Variants in ANKRD33B observed in about 807,000 individuals in gnomAD.
ANKRD33B encodes ankyrin repeat domain 33B.
A neutral mutation model predicts 21.5 loss-of-function variants in ANKRD33B; 6 were observed. The ratio of observed to expected loss-of-function variants is 0.28; its 90% confidence interval spans 0.15 to 0.55. The LOEUF (loss-of-function observed/expected upper bound fraction) is 0.55, where lower values mean the gene tolerates loss of function less well. ANKRD33B is among the 20% of genes least tolerant of loss of function. The probability of loss-of-function intolerance (pLI) is 0.94; values close to 1 mark genes in which losing one functional copy is unlikely to be tolerated. For synonymous variants in ANKRD33B, 347 were observed against 342.4 expected (o/e 1.01, Z -0.15); for missense variants, 698 against 747.2 (o/e 0.93, Z 0.77).
At chr5:10,566,397 G>A (rs1735058477) in intron 1 of ANKRD33B, among the ~76,000 whole-genome samples, 2 of 152,308 alleles carry the variant, frequency 1.3e-5, no homozygotes, top group South Asian at 2.1e-4. Flanking sequence ...AGGCCCAGAT[G>A]TGTGTAATCA....
At chr5:10,647,904 T>A (rs537760866) in intron 3 of ANKRD33B, among the ~76,000 whole-genome samples, 1 of 152,342 alleles carries the variant, frequency 6.6e-6, no homozygotes, top group African/African-American at 2.4e-5. Context: ...TAACCACAGC[T>A]GCAAAATACC....
At chr5:10,618,009 G>A (rs371460515) in intron 1 of ANKRD33B, among the ~76,000 whole-genome samples, 3 of 152,140 alleles carry the variant, frequency 2.0e-5, no homozygotes, top group Non-Finnish European at 4.4e-5. Context: ...GCCGTCTGCC[G>A]TGCTCTGTCG....
At chr5:10,604,708 C>G (rs1027291100) in intron 1 of ANKRD33B, among the ~76,000 whole-genome samples, 1 of 151,706 alleles carries the variant, frequency 6.6e-6, no homozygotes, top group Non-Finnish European at 1.5e-5. Flanking sequence ...TATATATTGT[C>G]TTATATAAAC....
At chr5:10,602,669 AG>A (rs1373319584) in intron 1 of ANKRD33B, among the ~76,000 whole-genome samples, 2 of 152,248 alleles carry the variant, frequency 1.3e-5, no homozygotes, top group Non-Finnish European at 2.9e-5. Flanking sequence ...ACATTCAAAA[AG>A]GGTTTCAAGT....
chr5:10,573,463 G>A (rs1372430131), intron 1 of ANKRD33B, among the ~76,000 whole-genome samples: 2 of 116,204 alleles, frequency 1.7e-5, no homozygotes, highest in African/African-American at 6.2e-5. Context: ...GCGAGACTCC[G>A]TCTCAAAAAA....
intron 1 of ANKRD33B, among the ~76,000 whole-genome samples, chr5:10,613,898 C>CAA (rs34433484): frequency 4.6e-5 from 5 of 109,044 alleles, no homozygotes; most frequent in Non-Finnish European, 8.0e-5. Context: ...GACTCCATCT[C>CAA]AAAAAAAAAA....
chr5:10,579,706 A>AT lies in ANKRD33B; in HGVS notation c.366+14885dup, dbSNP rs987914926. Among the ~76,000 whole-genome samples, 513 of 148,220 alleles carry AT rather than the reference A, an allele frequency of 3.5e-3. 2 individuals are homozygous for AT. The highest frequency in any genetic ancestry group is 0.011 in the African/African-American group (464 of 40,670). On this transcript the variant is annotated intron_variant, in intron 1 of 3. Coordinates refer to ENST00000296657, the MANE Select transcript of ANKRD33B (RefSeq NM_001164440.2). ...TAGTCACGGGATGACTAGGAACAGAATTTTTTTTTTTTAAAGAAACCTAGT... is the reference window on the plus strand; with the variant it reads ...TAGTCACGGGATGACTAGGAACAGAATTTTTTTTTTTTTAAAGAAACCTAGT...
chr5:10,630,527 G>A (rs1243079061), intron 2 of ANKRD33B, among the ~76,000 whole-genome samples: 2 of 152,200 alleles, frequency 1.3e-5, no homozygotes, highest in Non-Finnish European at 2.9e-5. Context: ...TAGGAACTAA[G>A]GGCCTTCTGA....
chr5:10,638,699 G>A lies in ANKRD33B; in HGVS notation c.637+531G>A, dbSNP rs574341354. 1.5e-3 allele frequency among the ~76,000 whole-genome samples: 229 copies of A among 152,084 alleles called. 1 individual carries two copies. The highest frequency in any genetic ancestry group is 5.1e-3 in the African/African-American group (213 of 41,532). ...AGGTGACGTGGAGTTGCATGGTGAC[G>A]TTAGGAGGTGACGTGTTGCATGGTA... On this transcript the variant is annotated intron_variant, in intron 3 of 3. Coordinates refer to ENST00000296657, the MANE Select transcript of ANKRD33B (RefSeq NM_001164440.2).
At chr5:10,594,459 C>T (rs1198943082) in intron 1 of ANKRD33B, among the ~76,000 whole-genome samples, 3 of 152,126 alleles carry the variant, frequency 2.0e-5, no homozygotes, top group Non-Finnish European at 4.4e-5. Flanking sequence ...CTCAGCTGAT[C>T]TGCCCTCCTC....
rs200203509 is a variant in ANKRD33B, at chr5:10,610,401, G to GCCCCC, written c.367-7926_367-7922dup. On this transcript the variant is annotated intron_variant, in intron 1 of 3. Coordinates refer to ENST00000296657, the MANE Select transcript of ANKRD33B (RefSeq NM_001164440.2). ...CAGGGATTGCATAGTACAGGGGACA[G>GCCCCC]CCCCCCCCCCGAATAAAGAATTATC... is the stretch of plus-strand genomic sequence containing the variant. Among the ~76,000 whole-genome samples the GCCCCC allele has an allele frequency of 2.7e-3, 391 of 146,206 alleles. 3 individuals are homozygous for GCCCCC. The highest frequency in any genetic ancestry group is 9.7e-3 in the African/African-American group (377 of 38,678).
intron 1 of ANKRD33B, among the ~76,000 whole-genome samples, chr5:10,565,049 G>A (rs758625734): frequency 6.6e-6 from 1 of 152,212 alleles, no homozygotes; most frequent in Non-Finnish European, 1.5e-5. Context: ...GGGAGCAGTC[G>A]AGGTGTCAGC....
At chr5:10,645,694 A>C (rs900537) in intron 3 of ANKRD33B, among the ~76,000 whole-genome samples, 65,961 of 151,890 alleles carry the variant, frequency 0.43, 14,493 homozygotes, top group Middle Eastern at 0.56. Flanking sequence ...ATCACCCAAT[A>C]TGTGTTTCAG....
chr5:10,635,989 G>A (rs138704226), intron 2 of ANKRD33B, among the ~76,000 whole-genome samples: 7 of 152,358 alleles, frequency 4.6e-5, no homozygotes, highest in Non-Finnish European at 7.3e-5. Context: ...TGCAGAGGTG[G>A]GCTGGGCTGG....
intron 1 of ANKRD33B, among the ~76,000 whole-genome samples, chr5:10,593,002 TCTC>T (rs1361144910): frequency 2.6e-5 from 4 of 152,186 alleles, no homozygotes; most frequent in Admixed American, 6.5e-5. Flanking sequence ...TTTCCTGACT[TCTC>T]CTCTGTTAGG....
chr5:10,628,477 C>T (rs562094283), intron 2 of ANKRD33B, among the ~76,000 whole-genome samples: 3 of 152,240 alleles, frequency 2.0e-5, no homozygotes, highest in Middle Eastern at 3.4e-3. Context: ...CCATTGCGCT[C>T]GGCCAGCCCA....
chr5:10,637,160 G>A (rs1736886445), intron 2 of ANKRD33B, among the ~76,000 whole-genome samples: 1 of 152,206 alleles, frequency 6.6e-6, no homozygotes, highest in Non-Finnish European at 1.5e-5. Context: ...GTTGACCCAA[G>A]AGGATGCTCT....
At chr5:10,596,545 T>C (rs1413598332) in intron 1 of ANKRD33B, among the ~76,000 whole-genome samples, 1 of 152,170 alleles carries the variant, frequency 6.6e-6, no homozygotes, top group East Asian at 1.9e-4. Flanking sequence ...TATAAGATTA[T>C]GTAAAGAGAT....
chr5:10,649,173 T>C, intron 3 of ANKRD33B, 93 bp from the exon 4 acceptor site: 2 of 1,410,592 alleles, frequency 1.4e-6, no homozygotes, highest in Non-Finnish European at 1.9e-6. Context: ...GGGTGGGGGG[T>C]GGGGGCAGTT....
Sources: allele counts gnomAD v4.1 joint callset (sites outside exome capture counted in the v4.1 genomes callset), GRCh38; gene constraint gnomAD v4.1.1; transcripts MANE v1.5; gene names NCBI Gene and HGNC (gene_info 2026-07-23, HGNC 2026-07-21).